The following FRAS1 variants were observed in gnomAD, a reference collection of about 807,000 sequenced individuals.
FRAS1 encodes extracellular matrix organizing protein FRAS1.
A neutral mutation model predicts 435.2 loss-of-function variants in FRAS1; 290 were observed. That is an observed-to-expected ratio of 0.67 (90% CI 0.61 to 0.73). FRAS1 has a LOEUF of 0.73. FRAS1 is among the 30% of genes least tolerant of loss of function. The probability of loss-of-function intolerance (pLI) is 0.00; values close to 1 mark genes in which losing one functional copy is unlikely to be tolerated. For synonymous variants in FRAS1, 1,800 were observed against 1,851.0 expected (o/e 0.97, Z 0.71); for missense variants, 4,860 against 5,001.5 (o/e 0.97, Z 0.85).
In FRAS1 at chr4:78,515,840, C is replaced by T. The variant is rs1231209356; in HGVS notation, c.10216C>T (p.Leu3406=). The change falls in exon 66 of 74, where the codon CTG becomes TTG. Residue 3406 remains leucine, a synonymous_variant. Coordinates refer to ENST00000512123, the MANE Select transcript of FRAS1 (RefSeq NM_025074.7). ...LDDVVYDSTA[L]GPGYDRPFQF... ...TGATGTGGTCTATGATAGCACTGCC[C>T]TGGGGCCTGGCTACGATCGCCCCTT... 10 of 1,614,032 alleles carry T rather than the reference C, an allele frequency of 6.2e-6. No individual in the cohort carries two copies. Among genetic ancestry groups the T allele is most frequent in the Non-Finnish European group, 8.5e-6 (10 of 1,179,894 alleles).
intron 2 of FRAS1, among the ~76,000 whole-genome samples, chr4:78,141,766 G>C (rs28438642): frequency 0.086 from 13,060 of 152,160 alleles, 790 homozygotes; most frequent in African/African-American, 0.16. Flanking sequence ...GATAAAGAAA[G>C]TGTGGTATAT....
chr4:78,407,762 C>T lies in FRAS1; in HGVS notation c.4229C>T (p.Thr1410Ile). 2 of 1,613,896 alleles carry T rather than the reference C, an allele frequency of 1.2e-6. No individual in the cohort carries two copies. Among genetic ancestry groups the T allele is most frequent in the South Asian group, 1.1e-5 (1 of 91,070 alleles). The change falls in exon 31 of 74, where the codon ACC becomes ATC. Residue 1410 changes from threonine (T) to isoleucine (I), a missense_variant. Transcript: ENST00000512123. ...GRTATPTSTF[T>I]QQDINEGIVW... ...ACAGCTACCCCCACCAGCACCTTCA[C>T]CCAGCAGGACATCAATGAAGGCATC...
At chr4:78,155,616 T>G (rs1445309620) in intron 2 of FRAS1, among the ~76,000 whole-genome samples, 4 of 152,216 alleles carry the variant, frequency 2.6e-5, no homozygotes, top group Non-Finnish European at 5.9e-5. Context: ...GGAGCTTATT[T>G]ATAACCCCCT....
At chr4:78,175,038 A>G (rs1048024825) in intron 2 of FRAS1, among the ~76,000 whole-genome samples, 3 of 152,288 alleles carry the variant, frequency 2.0e-5, no homozygotes, top group Middle Eastern at 3.4e-3. Context: ...GCTTGGTTCT[A>G]GGCAGAAAGA....
intron 57 of FRAS1, 100 bp downstream of exon 57, chr4:78,482,064 T>C: frequency 8.5e-7 from 1 of 1,183,130 alleles, no homozygotes; most frequent in Non-Finnish European, 1.2e-6. Context: ...CCTGGCGATA[T>C]TCCTATCTTT....
intron 45 of FRAS1, among the ~76,000 whole-genome samples, chr4:78,451,285 T>A (rs1719013425): frequency 6.6e-6 from 1 of 152,168 alleles, no homozygotes; most frequent in Non-Finnish European, 1.5e-5. Flanking sequence ...ATGTGGAGTT[T>A]ATTTGTTGGT....
intron 14 of FRAS1, among the ~76,000 whole-genome samples, chr4:78,289,399 T>C (rs1388382699): frequency 1.3e-5 from 2 of 152,252 alleles, no homozygotes; most frequent in Non-Finnish European, 2.9e-5. Context: ...TACCAGTCCC[T>C]GCTTCATTTC....
rs765550608 is a variant in FRAS1, at chr4:78,418,929, C to A, written c.4426-20C>A. 6.9e-7 allele frequency: 1 copy of A among 1,441,358 alleles called. No individual in the cohort carries two copies. Among genetic ancestry groups the A allele is most frequent in the South Asian group, 1.2e-5 (1 of 81,960 alleles). 89.3% of individuals were successfully genotyped at this position (1,441,358 alleles called of 1,614,324 possible). ...GTTTTTCATACCATGTGTTCCTCTT[C>A]CTTCTTAAACTTTGTTTAGGCTAGA... is the stretch of plus-strand genomic sequence containing the variant. On this transcript the variant is annotated intron_variant, in intron 32 of 73. Transcript: ENST00000512123.
At chr4:78,476,559 A>G (rs1444672463) in intron 54 of FRAS1, among the ~76,000 whole-genome samples, 2 of 152,214 alleles carry the variant, frequency 1.3e-5, no homozygotes, top group African/African-American at 4.8e-5. Flanking sequence ...GAGGCATTTC[A>G]GCTGGACTAA....
chr4:78,438,674 A>G lies in FRAS1; in HGVS notation c.5322A>G (p.Glu1774=), dbSNP rs1190430157. The G allele has an allele frequency of 6.2e-7, 1 of 1,612,052 alleles. No homozygotes were observed. Among genetic ancestry groups the G allele is most frequent in the Admixed American group, 1.7e-5 (1 of 59,712 alleles). The change falls in exon 39 of 74, where the codon GAA becomes GAG. Residue 1774 remains glutamate (E), a synonymous_variant. Transcript: ENST00000512123. ...GATCTGAGGTGGAAGAGCTCTCAGA[A>G]GTTTCCAATTTCACAATGGAAGACA... The part of the protein sequence containing the change: ...ISGSEVEELS[E]VSNFTMEDIN...
At chr4:78,105,794 C>T (rs145986620) in intron 2 of FRAS1, among the ~76,000 whole-genome samples, 1,728 of 151,450 alleles carry the variant, frequency 0.011, 36 homozygotes, top group South Asian at 0.088. Flanking sequence ...CCAGCGTGAG[C>T]GACGCAGAAG....
In FRAS1 at chr4:78,511,331, G is replaced by A. The variant is rs112969442; in HGVS notation, c.9838G>A (p.Val3280Met). Reference protein sequence around the residue: ...RFHVRCVAKAVDKVGHVGTPL... With the variant: ...RFHVRCVAKAMDKVGHVGTPL... ...CCATGTGCGTTGTGTGGCCAAGGCTGTGGACAAGGTGGGCCATGTGGGGAC... is the reference window on the plus strand; with the variant it reads ...CCATGTGCGTTGTGTGGCCAAGGCTATGGACAAGGTGGGCCATGTGGGGAC... The change falls in exon 64 of 74, where the codon GTG becomes ATG. Residue 3280 changes from valine to methionine, a missense_variant. Physicochemically the swap from Val to Met is conservative, Grantham distance 21. Transcript: ENST00000512123. 9.9e-6 allele frequency: 16 copies of A among 1,613,048 alleles called. No homozygotes were observed. In the African/African-American group the frequency reaches 1.1e-4, roughly 11 times the overall value.
chr4:78,423,251 C>T (rs1733862266), intron 34 of FRAS1, among the ~76,000 whole-genome samples: 1 of 151,962 alleles, frequency 6.6e-6, no homozygotes, highest in African/African-American at 2.4e-5. Flanking sequence ...ACTGCAACTT[C>T]CGCCTCCCAG....
intron 70 of FRAS1, among the ~76,000 whole-genome samples, chr4:78,528,816 T>C (rs997684680): frequency 2.0e-5 from 3 of 152,184 alleles, no homozygotes; most frequent in African/African-American, 7.2e-5. Context: ...TATGTTTAAC[T>C]TTTTAAGAAA....
At chr4:78,129,867 A>G (rs917711760) in intron 2 of FRAS1, among the ~76,000 whole-genome samples, 2 of 151,852 alleles carry the variant, frequency 1.3e-5, no homozygotes, top group Admixed American at 1.3e-4. Flanking sequence ...CCATTTTCTC[A>G]GCTCTCACTT....
rs371350147 is a variant in FRAS1 at position 78,400,823 on chromosome 4, C to T, written c.4065C>T (p.Ala1355=). The change falls in exon 30 of 74, where the codon GCC becomes GCT. Residue 1355 remains alanine (A), a synonymous_variant. Transcript: ENST00000512123. The part of the protein sequence containing the change: ...MLQITNRILQ[A]EAPGASAEEI... The stretch of plus-strand genomic sequence containing the variant: ...AGATCACCAACAGAATCTTACAGGC[C>T]GAGGCTCCTGGTGCCAGTGCTGAAG... 1.1e-4 allele frequency: 175 copies of T among 1,613,498 alleles called. 4 individuals carry two copies. The South Asian group carries it at 1.4e-3, about 13-fold the overall frequency.
chr4:78,118,887 A>T (rs1034973302), intron 2 of FRAS1, among the ~76,000 whole-genome samples: 1 of 152,162 alleles, frequency 6.6e-6, no homozygotes, highest in Non-Finnish European at 1.5e-5. Flanking sequence ...GGAAATGCAG[A>T]AATCACCCGT....
chr4:78,308,085 A>T lies in FRAS1; in HGVS notation c.1554A>T (p.Ala518=), dbSNP rs1173343936. ...HSCAVCHESC[A]GCWGPTEKHC... ...CTGCAGTCTGCCATGAGTCCTGTGC[A>T]GGTTGCTGGGGCCCAACGGAGAAGC... is the stretch of plus-strand genomic sequence containing the variant. The change falls in exon 15 of 74, where the codon GCA becomes GCT. Residue 518 remains alanine (A), a synonymous_variant. Coordinates refer to ENST00000512123, the MANE Select transcript of FRAS1 (RefSeq NM_025074.7). 1.9e-6 allele frequency: 3 copies of T among 1,613,012 alleles called. No individual in the cohort carries two copies. The Admixed American group carries it at 5.0e-5, about 27-fold the overall frequency.
chr4:78,057,920 C>A lies in FRAS1; in HGVS notation c.-90C>A. On this transcript the variant is annotated 5_prime_UTR_variant, in exon 1 of 74. Transcript: ENST00000512123. The surrounding 1 kb of genome is among the most constrained non-coding windows in gnomAD (Gnocchi z 4.2). ...CGCGGTCCCCCACCTTCAGTGCGCCCGGGTTCCAAGCGCCGGAGCCAGCGT... is the reference window on the plus strand; with the variant it reads ...CGCGGTCCCCCACCTTCAGTGCGCCAGGGTTCCAAGCGCCGGAGCCAGCGT... 1.6e-6 allele frequency: 2 copies of A among 1,257,366 alleles called. No homozygotes were observed. The highest frequency in any genetic ancestry group is 2.3e-6 in the Non-Finnish European group (2 of 868,358). The allele number at this position is 1,257,366 out of a possible 1,614,324, so 77.9% of individuals were successfully genotyped here.
Sources: gnomAD v4.1 joint callset for allele counts (sites outside exome capture counted in the v4.1 genomes callset) on GRCh38, gnomAD v4.1.1 for gene constraint, Gnocchi (gnomAD v3.1) non-coding constraint, MANE v1.5 for transcripts, NCBI Gene and HGNC (gene_info 2026-07-23, HGNC 2026-07-21) for gene names.